The following TDRP variants were observed in gnomAD, a reference collection of about 807,000 sequenced individuals.
TDRP encodes testis development-related protein.
In TDRP, 12 loss-of-function variants were observed where a neutral mutation model predicts 10.5. That is an observed-to-expected ratio of 1.15 (90% CI 0.73 to 1.86). The LOEUF is 1.86. Among genes scored for constraint, TDRP ranks in the 40% most tolerant of loss-of-function variants. The pLI is 0.00. For missense variants in TDRP, 353 were observed against 229.2 expected (o/e 1.54, Z -3.49); for synonymous variants, 139 against 95.4 (o/e 1.46, Z -2.67).
intron 1 of TDRP, among the ~76,000 whole-genome samples, chr8:507,924 A>G (rs1801509194): frequency 6.6e-6 from 1 of 152,220 alleles, no homozygotes. Context: ...TTAAAAAATA[A>G]AAATAAAATA....
intron 1 of TDRP, among the ~76,000 whole-genome samples, chr8:528,646 AAC>A (rs1468662669): frequency 6.6e-6 from 1 of 152,092 alleles, no homozygotes; most frequent in Non-Finnish European, 1.5e-5. Context: ...GATTGTTTGT[AAC>A]ACAAAGGATA....
At chr8:520,194 A>C (rs1007962728) in intron 1 of TDRP, among the ~76,000 whole-genome samples, 4 of 152,248 alleles carry the variant, frequency 2.6e-5, no homozygotes, top group Admixed American at 2.0e-4. Flanking sequence ...ATGTAAGTAG[A>C]ACCACGCATT....
chr8:530,403 C>T (rs1267318044), intron 1 of TDRP, among the ~76,000 whole-genome samples: 1 of 152,104 alleles, frequency 6.6e-6, no homozygotes, highest in East Asian at 1.9e-4. Context: ...CCATATTTCT[C>T]TGTTTCTTCA....
At chr8:496,756 A>G (rs574273900) in intron 1 of TDRP, among the ~76,000 whole-genome samples, 1 of 152,284 alleles carries the variant, frequency 6.6e-6, no homozygotes, top group Non-Finnish European at 1.5e-5. Flanking sequence ...GTCAAACCAT[A>G]ATCCCCATGT....
chr8:538,694 T>A (rs1802413444), intron 1 of TDRP, among the ~76,000 whole-genome samples: 1 of 152,202 alleles, frequency 6.6e-6, no homozygotes, highest in Non-Finnish European at 1.5e-5. Context: ...TTCCATACAT[T>A]CAATGACATG....
At chr8:511,270 A>C (rs940382813) in intron 1 of TDRP, among the ~76,000 whole-genome samples, 2 of 152,216 alleles carry the variant, frequency 1.3e-5, no homozygotes, top group African/African-American at 4.8e-5. Context: ...AAACTGACTG[A>C]AAGTGAAAGG....
rs141035283 is a variant in TDRP at position 494,444 on chromosome 8, A to T, written c.212+50T>A. ...AATCTTCATTTCCACCTCCTCAGTG[A>T]CTTCCTCCCTCTCCTGAAATGATCA... On this transcript the variant is annotated intron_variant, in intron 2 of 2. Coordinates refer to ENST00000324079, the MANE Select transcript of TDRP (RefSeq NM_001384899.1). The T allele has an allele frequency of 3.5e-4, 541 of 1,555,070 alleles. 2 individuals are homozygous for T. The Middle Eastern group carries it at 6.9e-3, about 20-fold the overall frequency.
intron 1 of TDRP, among the ~76,000 whole-genome samples, chr8:509,724 T>C (rs552353222): frequency 6.6e-6 from 1 of 152,308 alleles, no homozygotes; most frequent in South Asian, 2.1e-4. Flanking sequence ...TGATTAACAT[T>C]TGGCTCCTTG....
intron 1 of TDRP, among the ~76,000 whole-genome samples, chr8:514,263 G>C (rs567761401): frequency 2.0e-5 from 3 of 152,212 alleles, no homozygotes; most frequent in African/African-American, 7.2e-5. Flanking sequence ...ATCAATGACA[G>C]ATGAATGGAA....
Position 492,404 on chromosome 8 carries a change from C to T in TDRP, c.553G>A (p.Glu185Lys). Residue 185 changes from glutamate (E) to lysine (K), a missense_variant, in exon 3 of 3, where the codon GAG (glutamate) becomes AAG (lysine). By Grantham distance (56) the Glu-to-Lys change is moderately conservative (BLOSUM62 1). Coordinates refer to ENST00000324079, the MANE Select transcript of TDRP (RefSeq NM_001384899.1). ...CACTTGCCACGCAGCCCCCCTCACT[C>T]CGCCTCCTCCGGGCTATCTGTCAGG... ...GHLTDSPEEA[E>K] is the part of the protein sequence containing the mutation. The T allele has an allele frequency of 6.5e-7, 1 of 1,529,982 alleles. No homozygotes were observed. Among genetic ancestry groups the T allele is most frequent in the Non-Finnish European group, 8.8e-7 (1 of 1,136,222 alleles). The allele number at this position is 1,529,982 out of a possible 1,614,324, so 94.8% of individuals were successfully genotyped here. A position where few individuals can be genotyped will look rare whatever the true frequency, so the allele number is the denominator to read the frequency against.
intron 1 of TDRP, among the ~76,000 whole-genome samples, chr8:510,651 A>G (rs1055388121): frequency 6.6e-6 from 1 of 152,242 alleles, no homozygotes; most frequent in Non-Finnish European, 1.5e-5. Context: ...CCATCTTTCA[A>G]AAATGAAGGT....
At chr8:514,835 C>A (rs990269219) in intron 1 of TDRP, among the ~76,000 whole-genome samples, 1 of 152,006 alleles carries the variant, frequency 6.6e-6, no homozygotes, top group African/African-American at 2.4e-5. Flanking sequence ...CTCCTCCCAC[C>A]CTGGTCCTCC....
intron 1 of TDRP, among the ~76,000 whole-genome samples, chr8:523,071 T>G (rs10216733): frequency 0.68 from 102,822 of 151,958 alleles, 35,144 homozygotes; most frequent in Admixed American, 0.71. Context: ...ATTATGTTCT[T>G]TAAGTCTTGT....
At chr8:519,149 T>A (rs1453379776) in intron 1 of TDRP, among the ~76,000 whole-genome samples, 2 of 152,164 alleles carry the variant, frequency 1.3e-5, no homozygotes, top group Non-Finnish European at 2.9e-5. Flanking sequence ...GAATGAAACC[T>A]CCATTTAAAA....
At chr8:538,910 C>T (rs919596216) in intron 1 of TDRP, among the ~76,000 whole-genome samples, 11 of 152,198 alleles carry the variant, frequency 7.2e-5, no homozygotes, top group Admixed American at 2.6e-4. Context: ...GGAACGTAAA[C>T]CAGGACCGCC....
chr8:522,587 G>A (rs376462537), intron 1 of TDRP, among the ~76,000 whole-genome samples: 3 of 152,122 alleles, frequency 2.0e-5, no homozygotes, highest in East Asian at 1.9e-4. Context: ...TTTGTTTCTC[G>A]CTTCTGTAAT....
At chr8:544,222 C>G (rs1802575222) in intron 1 of TDRP, among the ~76,000 whole-genome samples, 1 of 152,114 alleles carries the variant, frequency 6.6e-6, no homozygotes, top group Admixed American at 6.5e-5. Context: ...CAGGCCTTCT[C>G]CGCCAGCTCC....
intron 1 of TDRP, among the ~76,000 whole-genome samples, chr8:531,898 G>T (rs750903344): frequency 6.6e-6 from 1 of 152,176 alleles, no homozygotes; most frequent in Admixed American, 6.5e-5. Flanking sequence ...TTAAGAAATT[G>T]GAACAGGAAT....
intron 1 of TDRP, among the ~76,000 whole-genome samples, chr8:542,392 G>A (rs1284848006): frequency 6.6e-6 from 1 of 152,100 alleles, no homozygotes; most frequent in Non-Finnish European, 1.5e-5. Context: ...ATGAGCCCGT[G>A]TAGGTCCACA....
Sources: allele counts gnomAD v4.1 joint callset (sites outside exome capture counted in the v4.1 genomes callset), GRCh38; gene constraint gnomAD v4.1.1; transcripts MANE v1.5; gene names NCBI Gene and HGNC (gene_info 2026-07-23, HGNC 2026-07-21).